The following CBFA2T2 variants were observed in gnomAD, a reference collection of about 807,000 sequenced individuals.
The protein encoded by CBFA2T2 is protein CBFA2T2.
In CBFA2T2, 11 loss-of-function variants were observed where a neutral mutation model predicts 62.2. The ratio of observed to expected loss-of-function variants is 0.18; its 90% confidence interval spans 0.11 to 0.29. The LOEUF is 0.29. Ranked by LOEUF, CBFA2T2 falls within the 10% of genes least tolerant of loss-of-function variation. The pLI, the probability that CBFA2T2 is intolerant of heterozygous loss-of-function variation, is 1.00. For synonymous variants in CBFA2T2, 295 were observed against 287.5 expected (o/e 1.03, Z -0.27); for missense variants, 592 against 774.1 (o/e 0.76, Z 2.79).
At chr20:33,501,769 A>C in intron 1 of CBFA2T2, among the ~76,000 whole-genome samples, 1 of 147,186 alleles carries the variant, frequency 6.8e-6, no homozygotes. Flanking sequence ...CCTCCTGAGT[A>C]CCTGGGATTA....
At chr20:33,583,550 A>AT (rs2014213625) in intron 1 of CBFA2T2, among the ~76,000 whole-genome samples, 1 of 152,212 alleles carries the variant, frequency 6.6e-6, no homozygotes, top group Non-Finnish European at 1.5e-5. Context: ...ATTTAGTAAA[A>AT]TTTTAAAAAA....
chr20:33,527,561 CAG>C (rs1319606767), intron 1 of CBFA2T2, among the ~76,000 whole-genome samples: 1 of 151,972 alleles, frequency 6.6e-6, no homozygotes, highest in Non-Finnish European at 1.5e-5. Context: ...TTAGTAGAGA[CAG>C]GGTTTCGCCA....
intron 1 of CBFA2T2, among the ~76,000 whole-genome samples, chr20:33,592,970 T>C (rs2014727314): frequency 6.6e-6 from 1 of 152,172 alleles, no homozygotes; most frequent in Non-Finnish European, 1.5e-5. Flanking sequence ...GGCTTTTCCA[T>C]TGTAAAGAAG....
Position 33,550,936 on chromosome 20 carries a change from A to G in CBFA2T2, c.35-56020A>G, listed in dbSNP as rs192380595. Among the ~76,000 whole-genome samples, 20 of 151,958 alleles carry G rather than the reference A, an allele frequency of 1.3e-4. No individual in the cohort carries two copies. In the Middle Eastern group the frequency reaches 0.017, roughly 129 times the overall value. ...CCACGCTTGGCCTTGATGTGGTCTT[A>G]TCTGCTGTCAAGCTACATGAGTTGG... On this transcript the variant is annotated intron_variant, in intron 1 of 10. Transcript: ENST00000342704.
intron 1 of CBFA2T2, among the ~76,000 whole-genome samples, chr20:33,588,685 G>A (rs895817041): frequency 2.6e-5 from 4 of 152,160 alleles, no homozygotes; most frequent in Admixed American, 1.3e-4. Context: ...GGTGGCTCAC[G>A]CCTGTAATCC....
At chr20:33,530,794 G>C (rs62209596) in intron 1 of CBFA2T2, among the ~76,000 whole-genome samples, 3,597 of 152,134 alleles carry the variant, frequency 0.024, 66 homozygotes, top group Non-Finnish European at 0.032. Flanking sequence ...TGAAAATAAA[G>C]ATGGCGCCAG....
In CBFA2T2 at chr20:33,513,150, A is replaced by G. The variant is rs139240687; in HGVS notation, c.34+22849A>G. ...GCTTTAGTAGATGCTGCTGCTGTCA[A>G]AGTTTTCCAGAGTTGTTCTATCAGC... is the stretch of plus-strand genomic sequence containing the variant. On this transcript the variant is annotated intron_variant, in intron 1 of 10. Transcript: ENST00000342704. 1.5e-3 allele frequency among the ~76,000 whole-genome samples: 232 copies of G among 152,248 alleles called. 1 individual carries two copies. The highest frequency in any genetic ancestry group is 5.3e-3 in the African/African-American group (222 of 41,540).
intron 4 of CBFA2T2, among the ~76,000 whole-genome samples, chr20:33,621,522 C>CA (rs2015988032): frequency 6.6e-6 from 1 of 151,916 alleles, no homozygotes; most frequent in Admixed American, 6.6e-5. Flanking sequence ...AGGCTGGTCT[C>CA]AAACTCCTGA....
At chr20:33,494,883 C>G (rs2011183665) in intron 1 of CBFA2T2, among the ~76,000 whole-genome samples, 1 of 152,106 alleles carries the variant, frequency 6.6e-6, no homozygotes, top group Non-Finnish European at 1.5e-5. Context: ...CAGGCATGAG[C>G]CACCACGCCT....
At chr20:33,493,083 T>G (rs2011161193) in intron 1 of CBFA2T2, among the ~76,000 whole-genome samples, 1 of 147,346 alleles carries the variant, frequency 6.8e-6, no homozygotes, top group Non-Finnish European at 1.5e-5. Context: ...TTTTTTTTTT[T>G]TTTTTTTTTG....
Position 33,582,488 on chromosome 20 carries a change from C to A in CBFA2T2, c.35-24468C>A, listed in dbSNP as rs191568167. Among the ~76,000 whole-genome samples the A allele has an allele frequency of 2.6e-3, 386 of 149,496 alleles. 1 individual carries two copies. Among genetic ancestry groups the A allele is most frequent in the Non-Finnish European group, 3.6e-3 (244 of 67,294 alleles). On this transcript the variant is annotated intron_variant, in intron 1 of 10. Coordinates refer to ENST00000342704, the MANE Select transcript of CBFA2T2 (RefSeq NM_001032999.3). Reference sequence around the variant, plus strand: ...GGGCAACAAGAGCGAAACTCTATCTCAAAAAAAATGAATCAGCAAGGTAAC... The same window carrying A: ...GGGCAACAAGAGCGAAACTCTATCTAAAAAAAAATGAATCAGCAAGGTAAC...
At chr20:33,542,812 C>G (rs2012442063) in intron 1 of CBFA2T2, among the ~76,000 whole-genome samples, 1 of 152,000 alleles carries the variant, frequency 6.6e-6, no homozygotes, top group African/African-American at 2.4e-5. Flanking sequence ...GCTGGGACTA[C>G]AGGCATATGC....
chr20:33,623,355 G>C, intron 5 of CBFA2T2, 59 bp downstream of exon 5: 1 of 1,575,660 alleles, frequency 6.3e-7, no homozygotes, highest in African/African-American at 1.3e-5. Context: ...CCTCCCCTTT[G>C]CTTATAAAAG....
At chr20:33,542,795 C>T (rs931936735) in intron 1 of CBFA2T2, among the ~76,000 whole-genome samples, 2 of 151,940 alleles carry the variant, frequency 1.3e-5, no homozygotes, top group South Asian at 2.1e-4. Context: ...CCTCAACCTC[C>T]CGGGAAGCTG....
intron 1 of CBFA2T2, among the ~76,000 whole-genome samples, chr20:33,544,305 C>G (rs961427288): frequency 5.9e-5 from 9 of 152,116 alleles, no homozygotes; most frequent in African/African-American, 1.2e-4. Context: ...CTAGTCTTGC[C>G]TCAGGACCTT....
intron 1 of CBFA2T2, chr20:33,573,994 G>C: frequency 1.6e-6 from 1 of 608,670 alleles, no homozygotes; most frequent in Non-Finnish European, 2.4e-6. Flanking sequence ...TTGCCATGTT[G>C]CCCAGGTGGG....
chr20:33,643,894 T>C (rs1163606883), intron 10 of CBFA2T2, among the ~76,000 whole-genome samples: 2 of 142,528 alleles, frequency 1.4e-5, no homozygotes, highest in East Asian at 4.1e-4. Context: ...TAGCCAGGCA[T>C]GGTGGCACAT....
At chr20:33,621,129 C>A (rs1029883469) in intron 4 of CBFA2T2, among the ~76,000 whole-genome samples, 1 of 152,028 alleles carries the variant, frequency 6.6e-6, no homozygotes, top group Non-Finnish European at 1.5e-5. Flanking sequence ...ATTCTATCTG[C>A]GCACCTGGAT....
intron 1 of CBFA2T2, 109 bp downstream of exon 1, chr20:33,490,410 A>G: frequency 9.3e-7 from 1 of 1,074,024 alleles, no homozygotes; most frequent in Non-Finnish European, 1.2e-6. Flanking sequence ...GTGGAAACTG[A>G]GGCCCGAAGC....
Sources: allele counts gnomAD v4.1 joint callset (sites outside exome capture counted in the v4.1 genomes callset), GRCh38; gene constraint gnomAD v4.1.1; transcripts MANE v1.5; gene names NCBI Gene and HGNC (gene_info 2026-07-23, HGNC 2026-07-21).